Variants in MBOAT2 observed in about 807,000 individuals in gnomAD.
MBOAT2 encodes the protein membrane bound glycerophospholipid O-acyltransferase 2, also known as membrane-bound glycerophospholipid O-acyltransferase 2.
MBOAT2 carries 28 observed loss-of-function variants against 63.4 expected under a neutral mutation model. The observed-to-expected ratio is 0.44, with a 90% CI of 0.33 to 0.61. The LOEUF is 0.61. Among genes scored for constraint, MBOAT2 ranks in the 20% least tolerant of loss-of-function variants. The pLI, the probability that MBOAT2 is intolerant of heterozygous loss-of-function variation, is 0.03. For synonymous variants in MBOAT2, 211 were observed against 215.6 expected (o/e 0.98, Z 0.19); for missense variants, 470 against 605.8 (o/e 0.78, Z 2.35).
intron 3 of MBOAT2, among the ~76,000 whole-genome samples, chr2:8,912,337 AAGAAAG>A (rs1437888036): frequency 1.8e-5 from 2 of 108,992 alleles, no homozygotes; most frequent in Non-Finnish European, 3.8e-5. Context: ...GAAAGAAAGA[AAGAAAG>A]AAAGAAAGAG....
rs531186193 is a variant in MBOAT2, at chr2:8,904,324, T to A, written c.395+4297A>T. On this transcript the variant is annotated intron_variant, in intron 4 of 12. Transcript: ENST00000305997. ...GGTTGTTTTTATTTTTTATTTTTTT[T>A]TTTTTGAGATAGGATCTTGCTGTGT... Among the ~76,000 whole-genome samples, 24 of 151,904 alleles carry A rather than the reference T, an allele frequency of 1.6e-4. No homozygotes were observed. The East Asian group carries it at 3.3e-3, about 21-fold the overall frequency.
chr2:8,903,971 TTTTTA>T (rs1195518241), intron 4 of MBOAT2, among the ~76,000 whole-genome samples: 1 of 152,096 alleles, frequency 6.6e-6, no homozygotes, highest in Non-Finnish European at 1.5e-5. Flanking sequence ...GTATCTTTTT[TTTTTA>T]TTTTACTTTA....
chr2:8,921,567 C>T (rs763799592), intron 3 of MBOAT2, among the ~76,000 whole-genome samples: 4 of 152,304 alleles, frequency 2.6e-5, no homozygotes, highest in Non-Finnish European at 4.4e-5. Flanking sequence ...GACTTCCTTT[C>T]GACCTTAAGG....
At chr2:8,994,824 G>A (rs1480995058) in intron 1 of MBOAT2, among the ~76,000 whole-genome samples, 3 of 152,288 alleles carry the variant, frequency 2.0e-5, no homozygotes, top group South Asian at 2.1e-4. Flanking sequence ...TGAAAAATAC[G>A]GATCTGCCAA....
intron 1 of MBOAT2, among the ~76,000 whole-genome samples, chr2:8,977,416 T>C (rs1558676833): frequency 6.6e-6 from 1 of 152,142 alleles, no homozygotes; most frequent in Non-Finnish European, 1.5e-5. Context: ...CCATTCATCC[T>C]TTCAATGGCT....
chr2:8,940,853 A>G (rs1668002420), intron 3 of MBOAT2, among the ~76,000 whole-genome samples: 1 of 152,230 alleles, frequency 6.6e-6, no homozygotes, highest in African/African-American at 2.4e-5. Flanking sequence ...CAAATCTTTC[A>G]TTTTAAAGAC....
intron 6 of MBOAT2, among the ~76,000 whole-genome samples, chr2:8,880,727 A>G (rs13385417): frequency 0.068 from 10,325 of 152,246 alleles, 377 homozygotes; most frequent in Middle Eastern, 0.095. Flanking sequence ...GGAGGAGAAA[A>G]ATTGAAAGAA....
chr2:8,977,812 T>C (rs1363467573), intron 1 of MBOAT2, among the ~76,000 whole-genome samples: 2 of 152,130 alleles, frequency 1.3e-5, no homozygotes, highest in Non-Finnish European at 1.5e-5. Flanking sequence ...AGTTGACCCA[T>C]GTGAGTAACT....
rs67420836 is a variant in MBOAT2, at chr2:8,912,373, G to GAAAGAGAAAGAAAGAA, written c.300-3658_300-3657insTTCTTTCTTTCTCTTT. 1.6e-3 allele frequency among the ~76,000 whole-genome samples: 131 copies of GAAAGAGAAAGAAAGAA among 84,342 alleles called. 2 individuals are homozygous for GAAAGAGAAAGAAAGAA. The highest frequency in any genetic ancestry group is 2.7e-3 in the Non-Finnish European group (109 of 40,678). 55.3% of individuals were successfully genotyped at this position (84,342 alleles called of 152,430 possible). A position where few individuals can be genotyped will look rare whatever the true frequency, so the allele number is the denominator to read the frequency against. On this transcript the variant is annotated intron_variant, in intron 3 of 12. Coordinates refer to ENST00000305997, the MANE Select transcript of MBOAT2 (RefSeq NM_138799.4). Reference sequence around the variant, plus strand: ...AAAGAGAAAGAAAGAAAGAAAGAAAGAGAAAGAAAGAAAGAAAGAAAGAAA... The same window carrying GAAAGAGAAAGAAAGAA: ...AAAGAGAAAGAAAGAAAGAAAGAAAGAAAGAGAAAGAAAGAAAGAAAGAAAGAAAGAAAGAAAGAAA...
At position 8,868,546 on chromosome 2, in the gene MBOAT2, T is replaced by C; in HGVS notation, c.887A>G (p.Asp296Gly). 1 of 1,612,358 alleles carries C rather than the reference T, an allele frequency of 6.2e-7. No individual in the cohort carries two copies. The highest frequency in any genetic ancestry group is 8.5e-7 in the Non-Finnish European group (1 of 1,179,164). Residue 296 changes from aspartate to glycine, a missense_variant, in exon 9 of 13, where the codon GAT (aspartate) becomes GGT (glycine). Around this residue, in one of 3 missense-constraint regions of MBOAT2, gnomAD observed 376 missense variants for 503.8 expected, o/e 0.75. Transcript: ENST00000305997. ...AAAGCCTGCAGCATTATTAATGGCATCAGCTATAGAAAACAACATTAGAAA... is the reference window on the plus strand; with the variant it reads ...AAAGCCTGCAGCATTATTAATGGCACCAGCTATAGAAAACAACATTAGAAA... ...PKYYFAWTLA[D>G]AINNAAGFGF...
chr2:8,990,053 G>A (rs1512290), intron 1 of MBOAT2, among the ~76,000 whole-genome samples: 8,531 of 152,256 alleles, frequency 0.056, 238 homozygotes, highest in Middle Eastern at 0.075. Flanking sequence ...TAATCTAAAT[G>A]TATGAAACAC....
intron 1 of MBOAT2, among the ~76,000 whole-genome samples, chr2:8,976,646 C>A (rs751312902): frequency 2.6e-5 from 4 of 152,104 alleles, no homozygotes; most frequent in African/African-American, 7.2e-5. Flanking sequence ...GGGATGAATA[C>A]CAGAACAAGG....
intron 1 of MBOAT2, among the ~76,000 whole-genome samples, chr2:8,991,869 A>G (rs1408703752): frequency 6.6e-6 from 1 of 152,242 alleles, no homozygotes; most frequent in Non-Finnish European, 1.5e-5. Flanking sequence ...GGTCATCATT[A>G]GCAAAAGTGA....
chr2:8,951,079 A>T lies in MBOAT2; in HGVS notation c.221+7418T>A, dbSNP rs551686810. On this transcript the variant is annotated intron_variant, in intron 2 of 12. Transcript: ENST00000305997. ...ATGTTCGTCAGGGATATTGGCCTGT[A>T]GTTTTCTTTCTTTGTTGTGTCTGCC... Among the ~76,000 whole-genome samples, 14 of 152,034 alleles carry T rather than the reference A, an allele frequency of 9.2e-5. No homozygotes were observed. The South Asian group carries it at 2.9e-3, about 32-fold the overall frequency.
intron 4 of MBOAT2, among the ~76,000 whole-genome samples, chr2:8,906,458 G>A (rs1244475062): frequency 6.6e-6 from 1 of 152,210 alleles, no homozygotes; most frequent in Non-Finnish European, 1.5e-5. Flanking sequence ...GAGGATTCCA[G>A]AGCCTGAAGG....
intron 3 of MBOAT2, among the ~76,000 whole-genome samples, chr2:8,915,531 T>TTTTTG (rs553041530): frequency 2.4e-4 from 36 of 152,260 alleles, no homozygotes; most frequent in African/African-American, 8.2e-4. Context: ...GGTGGGGGTT[T>TTTTTG]TTTTGTTTTG....
intron 1 of MBOAT2, among the ~76,000 whole-genome samples, chr2:8,968,863 GA>G (rs1253324247): frequency 3.9e-5 from 6 of 152,136 alleles, no homozygotes; most frequent in Admixed American, 6.5e-5. Context: ...AAGCCTCCAA[GA>G]AATATGGGAC....
At chr2:8,981,143 C>G (rs969756208) in intron 1 of MBOAT2, among the ~76,000 whole-genome samples, 5 of 152,052 alleles carry the variant, frequency 3.3e-5, no homozygotes, top group African/African-American at 1.2e-4. Flanking sequence ...CTACAGAGAT[C>G]GAAAGTAGAC....
chr2:8,948,383 A>G (rs763970580), intron 2 of MBOAT2, among the ~76,000 whole-genome samples: 1 of 152,200 alleles, frequency 6.6e-6, no homozygotes, highest in Non-Finnish European at 1.5e-5. Context: ...ATACATATGC[A>G]GTACCTAGGT....
Sources: allele counts gnomAD v4.1 joint callset (sites outside exome capture counted in the v4.1 genomes callset), GRCh38; gene constraint gnomAD v4.1.1; regional missense constraint gnomAD v4.1.1; transcripts MANE v1.5; gene names NCBI Gene and HGNC (gene_info 2026-07-23, HGNC 2026-07-21).